DPP10: variants seen among roughly 807,000 people sequenced by gnomAD.
The protein encoded by DPP10 is inactive dipeptidyl peptidase 10.
DPP10 carries 33 observed loss-of-function variants against 120.9 expected under a neutral mutation model. That is an observed-to-expected ratio of 0.27 (90% CI 0.21 to 0.37). DPP10 has a LOEUF of 0.37. DPP10 is among the 10% of genes least tolerant of loss of function. The pLI is 1.00. For missense variants in DPP10, 816 were observed against 942.8 expected (o/e 0.87, Z 1.76); for synonymous variants, 337 against 326.1 (o/e 1.03, Z -0.36).
At chr2:114,520,811 C>T (rs562387757) in intron 1 of DPP10, among the ~76,000 whole-genome samples, 1 of 152,156 alleles carries the variant, frequency 6.6e-6, no homozygotes, top group Non-Finnish European at 1.5e-5. Context: ...GAGATATGGG[C>T]TTGCTGTGAA....
chr2:114,517,413 G>A (rs968786716), intron 1 of DPP10, among the ~76,000 whole-genome samples: 2 of 152,052 alleles, frequency 1.3e-5, no homozygotes, highest in East Asian at 1.9e-4. Context: ...CCAGCTACTC[G>A]GGAGGCTGAG....
At chr2:115,401,562 G>A (rs1341540604) in intron 3 of DPP10, among the ~76,000 whole-genome samples, 4 of 152,080 alleles carry the variant, frequency 2.6e-5, no homozygotes, top group African/African-American at 4.8e-5. Flanking sequence ...CAGTCCGGGC[G>A]ACATTGTGAC....
chr2:114,660,886 T>C (rs189161011), intron 1 of DPP10, among the ~76,000 whole-genome samples: 219 of 152,338 alleles, frequency 1.4e-3, no homozygotes, highest in Middle Eastern at 3.4e-3. Flanking sequence ...TAGATGATTT[T>C]GCTAAGAATA....
At chr2:114,805,168 C>G (rs548036613) in intron 1 of DPP10, among the ~76,000 whole-genome samples, 1 of 152,304 alleles carries the variant, frequency 6.6e-6, no homozygotes, top group Admixed American at 6.5e-5. Flanking sequence ...GATTCTGAGG[C>G]CTCTGCAGCC....
intron 1 of DPP10, among the ~76,000 whole-genome samples, chr2:114,521,217 A>G (rs190892411): frequency 6.6e-6 from 1 of 151,420 alleles, no homozygotes; most frequent in Non-Finnish European, 1.5e-5. Context: ...TTAATAAAAG[A>G]TATCAAATCT....
At chr2:114,959,070 T>C (rs954238013) in intron 1 of DPP10, among the ~76,000 whole-genome samples, 2 of 152,106 alleles carry the variant, frequency 1.3e-5, no homozygotes, top group Non-Finnish European at 2.9e-5. Flanking sequence ...TGTTTTTGTT[T>C]TTCTCTGAGA....
At chr2:115,711,749 G>A (rs1368166664) in intron 7 of DPP10, among the ~76,000 whole-genome samples, 2 of 152,052 alleles carry the variant, frequency 1.3e-5, no homozygotes, top group Non-Finnish European at 2.9e-5. Flanking sequence ...CTGACATTGA[G>A]TTGACACATA....
chr2:114,869,382 C>A (rs1017806396), intron 1 of DPP10, among the ~76,000 whole-genome samples: 1 of 152,252 alleles, frequency 6.6e-6, no homozygotes, highest in East Asian at 1.9e-4. Flanking sequence ...ACAAAACACA[C>A]TCATATGCAA....
chr2:114,892,728 G>A (rs12473320), intron 1 of DPP10, among the ~76,000 whole-genome samples: 58,286 of 152,050 alleles, frequency 0.38, 12,558 homozygotes, highest in South Asian at 0.53. Flanking sequence ...AGTTCTATCA[G>A]CTTTCCTTCT....
chr2:115,495,088 T>C (rs772996582), intron 3 of DPP10, among the ~76,000 whole-genome samples: 33 of 152,170 alleles, frequency 2.2e-4, no homozygotes, highest in African/African-American at 6.5e-4. Flanking sequence ...TTATTACCTA[T>C]AATAGTCAGA....
chr2:114,575,058 T>C (rs979576011), intron 1 of DPP10, among the ~76,000 whole-genome samples: 2 of 152,212 alleles, frequency 1.3e-5, no homozygotes, highest in South Asian at 4.1e-4. Flanking sequence ...GAAAAATGCA[T>C]GCTCCATTTA....
chr2:114,812,608 A>ACACACACACACACACC (rs1685273176), intron 1 of DPP10, among the ~76,000 whole-genome samples: 1 of 151,460 alleles, frequency 6.6e-6, no homozygotes. Flanking sequence ...ACACACACAC[A>ACACACACACACACACC]CACACACACA....
rs1318912226 is a variant in DPP10 at position 115,243,440 on chromosome 2, G to A, written c.61-65799G>A. On this transcript the variant is annotated intron_variant, in intron 1 of 25. Transcript: ENST00000410059. ...CTTAGCTTTAAAAAAATAAAATAAG[G>A]GTCAGTAAAATATCTAGTTATTTTT... 6.6e-5 allele frequency among the ~76,000 whole-genome samples: 10 copies of A among 151,566 alleles called. No homozygotes were observed. The East Asian group carries it at 1.7e-3, about 26-fold the overall frequency.
chr2:114,799,043 C>T (rs560744537), intron 1 of DPP10, among the ~76,000 whole-genome samples: 7 of 152,214 alleles, frequency 4.6e-5, no homozygotes, highest in East Asian at 1.9e-4. Flanking sequence ...TCAAGAGAAT[C>T]GCTTGAACCT....
intron 7 of DPP10, among the ~76,000 whole-genome samples, chr2:115,709,242 TGTC>T (rs1338491599): frequency 6.6e-6 from 1 of 152,068 alleles, no homozygotes; most frequent in African/African-American, 2.4e-5. Context: ...GAAATCCGAC[TGTC>T]GTTTAGGCAA....
intron 1 of DPP10, among the ~76,000 whole-genome samples, chr2:114,551,272 A>G (rs1687863963): frequency 6.6e-6 from 1 of 152,164 alleles, no homozygotes; most frequent in African/African-American, 2.4e-5. Context: ...TCTCAGTGTC[A>G]ACATTCTCTG....
intron 21 of DPP10, among the ~76,000 whole-genome samples, chr2:115,822,824 T>C (rs1687941937): frequency 6.6e-6 from 1 of 151,984 alleles, no homozygotes; most frequent in Non-Finnish European, 1.5e-5. Context: ...TATAAACTTT[T>C]CTTGGTGCCT....
chr2:115,182,493 GAATATAATAT>G, intron 1 of DPP10, among the ~76,000 whole-genome samples: 1 of 152,112 alleles, frequency 6.6e-6, no homozygotes, highest in South Asian at 2.1e-4. Flanking sequence ...GGGTTATCAG[GAATATAATAT>G]AATTCTCTAT....
chr2:115,567,639 G>A (rs1424731941), intron 5 of DPP10, among the ~76,000 whole-genome samples: 3 of 151,750 alleles, frequency 2.0e-5, no homozygotes, highest in Non-Finnish European at 4.4e-5. Context: ...AAGTTTTAGC[G>A]ATTACAAACA....
Sources: gnomAD v4.1 joint callset for allele counts (sites outside exome capture counted in the v4.1 genomes callset) on GRCh38, gnomAD v4.1.1 for gene constraint, MANE v1.5 for transcripts, NCBI Gene and HGNC (gene_info 2026-07-23, HGNC 2026-07-21) for gene names.